The following MYRIP variants were observed in gnomAD, a reference collection of about 807,000 sequenced individuals.
The protein encoded by MYRIP is myosin VIIA and Rab interacting protein, also known as rab effector MyRIP.
MYRIP carries 49 observed loss-of-function variants against 98.0 expected under a neutral mutation model. That is an observed-to-expected ratio of 0.50 (90% CI 0.40 to 0.63). The LOEUF (loss-of-function observed/expected upper bound fraction) is 0.63. MYRIP is among the 30% of genes least tolerant of loss of function. The pLI is 0.00. For missense variants in MYRIP, 1,004 were observed against 1,058.2 expected, an observed-to-expected ratio of 0.95 and a Z score of 0.71; for synonymous variants, 404 against 409.5, an observed-to-expected ratio of 0.99 and a Z score of 0.16.
chr3:40,115,538 T>C (rs1949253684), intron 3 of MYRIP, among the ~76,000 whole-genome samples: 2 of 152,160 alleles, frequency 1.3e-5, no homozygotes, highest in African/African-American at 4.8e-5. Context: ...TTCAGTTATC[T>C]CCACCTGCTC....
At chr3:39,973,524 A>T (rs1224223388) in intron 2 of MYRIP, among the ~76,000 whole-genome samples, 1 of 152,124 alleles carries the variant, frequency 6.6e-6, no homozygotes, top group Non-Finnish European at 1.5e-5. Flanking sequence ...ATATCCAGGA[A>T]CTGAACTCAG....
intron 2 of MYRIP, among the ~76,000 whole-genome samples, chr3:39,959,618 C>T (rs1398754238): frequency 6.6e-6 from 1 of 151,036 alleles, no homozygotes; most frequent in East Asian, 2.0e-4. Flanking sequence ...CACATGTATA[C>T]ATATGTAACA....
At chr3:39,866,758 A>G (rs1218696879) in intron 1 of MYRIP, among the ~76,000 whole-genome samples, 2 of 152,242 alleles carry the variant, frequency 1.3e-5, no homozygotes, top group Non-Finnish European at 2.9e-5. Flanking sequence ...TACTACCCAA[A>G]GCATTCTCTA....
intron 1 of MYRIP, among the ~76,000 whole-genome samples, chr3:39,842,495 G>A (rs1480427541): frequency 6.6e-6 from 1 of 152,188 alleles, no homozygotes; most frequent in Admixed American, 6.5e-5. Context: ...CGTTTCAGGT[G>A]CCACTGGGGT....
intron 3 of MYRIP, among the ~76,000 whole-genome samples, chr3:40,131,563 AG>A (rs1425606929): frequency 6.6e-6 from 1 of 152,200 alleles, no homozygotes; most frequent in Non-Finnish European, 1.5e-5. Flanking sequence ...AATACACTTT[AG>A]GGGATATGAT....
intron 2 of MYRIP, among the ~76,000 whole-genome samples, chr3:39,919,559 C>A (rs554963073): frequency 6.6e-6 from 1 of 152,280 alleles, no homozygotes; most frequent in Non-Finnish European, 1.5e-5. Flanking sequence ...CCTCTGGTAC[C>A]AGTTTTATCC....
At position 39,916,229 on chromosome 3, in the gene MYRIP, C is replaced by T. The variant is rs540197283; in HGVS notation, c.110+15303C>T. Among the ~76,000 whole-genome samples the T allele has an allele frequency of 2.0e-5, 3 of 151,596 alleles. No individual in the cohort carries two copies. The East Asian group carries it at 5.8e-4, about 29-fold the overall frequency. On this transcript the variant is annotated intron_variant, in intron 2 of 16. Coordinates refer to ENST00000302541, the MANE Select transcript of MYRIP (RefSeq NM_015460.4). Reference sequence around the variant, plus strand: ...ACATTAAAAATTTTTCAATAAAAACCCCAGTTCATTAGCTTTAACAGTGGC... The same window carrying T: ...ACATTAAAAATTTTTCAATAAAAACTCCAGTTCATTAGCTTTAACAGTGGC...
chr3:40,071,070 A>G (rs1175565518), intron 3 of MYRIP: 1 of 918,312 alleles, frequency 1.1e-6, no homozygotes, highest in Non-Finnish European at 1.3e-6. Context: ...TTGCCTTTTG[A>G]CATAAGAATC....
At chr3:39,872,153 T>A (rs564455619) in intron 1 of MYRIP, among the ~76,000 whole-genome samples, 2 of 152,176 alleles carry the variant, frequency 1.3e-5, no homozygotes, top group African/African-American at 2.4e-5. Flanking sequence ...GTGAATAGCA[T>A]AAATAGTGCT....
intron 1 of MYRIP, 33 bp from the exon 2 acceptor site, chr3:39,900,753 AT>A: frequency 8.3e-7 from 1 of 1,206,050 alleles, no homozygotes. Context: ...CCATGTAGAG[AT>A]TTTATCTTGC....
At chr3:40,210,140 G>A (rs527634626) in intron 11 of MYRIP, 47 bp downstream of exon 11, 1 of 1,584,916 alleles carries the variant, frequency 6.3e-7, no homozygotes, top group Admixed American at 1.8e-5. Context: ...TTCTGCAGTG[G>A]GGTGTTGGAG....
At chr3:39,998,655 C>G (rs1203367447) in intron 2 of MYRIP, among the ~76,000 whole-genome samples, 1 of 150,660 alleles carries the variant, frequency 6.6e-6, no homozygotes, top group Admixed American at 6.6e-5. Flanking sequence ...CAATGACTTT[C>G]TTCACAGAAT....
At position 40,191,279 on chromosome 3, in the gene MYRIP, G is replaced by A. The variant is rs1015099841; in HGVS notation, c.1665+816G>A. Among the ~76,000 whole-genome samples the A allele has an allele frequency of 2.6e-5, 4 of 152,082 alleles. No individual in the cohort carries two copies. In the East Asian group the frequency reaches 5.8e-4, roughly 22 times the overall value. On this transcript the variant is annotated intron_variant, in intron 10 of 16. Transcript: ENST00000302541. The stretch of plus-strand genomic sequence containing the variant: ...GCTTACAATTTCAGATAATTCATGG[G>A]CTCCCAACCAGACTAACTTTATATT...
At chr3:40,122,587 A>G (rs1949427373) in intron 3 of MYRIP, among the ~76,000 whole-genome samples, 1 of 151,832 alleles carries the variant, frequency 6.6e-6, no homozygotes, top group South Asian at 2.1e-4. Flanking sequence ...TATATGTATG[A>G]GTTCATATTA....
At chr3:39,845,464 A>G (rs1310490471) in intron 1 of MYRIP, among the ~76,000 whole-genome samples, 1 of 152,164 alleles carries the variant, frequency 6.6e-6, no homozygotes, top group Non-Finnish European at 1.5e-5. Context: ...ATTGAAAGCT[A>G]TAGTTGGGGT....
intron 3 of MYRIP, among the ~76,000 whole-genome samples, chr3:40,093,340 A>C (rs1948763159): frequency 6.6e-6 from 1 of 152,166 alleles, no homozygotes; most frequent in Non-Finnish European, 1.5e-5. Context: ...CTCTCCCCTT[A>C]ATAACCACCA....
At chr3:40,034,117 C>T (rs1464345554) in intron 2 of MYRIP, among the ~76,000 whole-genome samples, 1 of 151,922 alleles carries the variant, frequency 6.6e-6, no homozygotes, top group Non-Finnish European at 1.5e-5. Flanking sequence ...ACCATAAAAA[C>T]CCTAGAAGAA....
At chr3:40,155,149 ACCCCACAACAGT>A (rs1201124410) in intron 4 of MYRIP, among the ~76,000 whole-genome samples, 1 of 49,176 alleles carries the variant, frequency 2.0e-5, no homozygotes, top group Non-Finnish European at 3.7e-5. Context: ...CCCTCCCCCC[ACCCCACAACAGT>A]CCCCAGAGTG....
At chr3:39,891,134 A>C (rs1194524835) in intron 1 of MYRIP, among the ~76,000 whole-genome samples, 4 of 152,164 alleles carry the variant, frequency 2.6e-5, no homozygotes, top group Non-Finnish European at 4.4e-5. Context: ...TTTTCAATAT[A>C]AGGGAGAAAT....
Sources: gnomAD v4.1 joint callset for allele counts (sites outside exome capture counted in the v4.1 genomes callset) on GRCh38, gnomAD v4.1.1 for gene constraint, MANE v1.5 for transcripts, NCBI Gene and HGNC (gene_info 2026-07-23, HGNC 2026-07-21) for gene names.